CACNB4: variants seen among roughly 807,000 people sequenced by gnomAD.
CACNB4 encodes calcium voltage-gated channel auxiliary subunit beta 4.
In CACNB4, 32 loss-of-function variants were observed where a neutral mutation model predicts 71.2. That is an observed-to-expected ratio of 0.45 (90% CI 0.34 to 0.60). The LOEUF is 0.60. CACNB4 is among the 20% of genes least tolerant of loss of function. CACNB4 has a pLI of 0.01. For missense variants in CACNB4, 464 were observed against 647.9 expected, an observed-to-expected ratio of 0.72 and a Z score of 3.08; for synonymous variants, 231 against 236.9, an observed-to-expected ratio of 0.97 and a Z score of 0.23.
chr2:152,073,487 C>A (rs1359937481), intron 2 of CACNB4, among the ~76,000 whole-genome samples: 2 of 152,106 alleles, frequency 1.3e-5, no homozygotes, highest in African/African-American at 2.4e-5. Context: ...TTAGCCACCA[C>A]CCCCAGATTC....
intron 2 of CACNB4, among the ~76,000 whole-genome samples, chr2:152,019,842 A>T (rs1401778): frequency 0.43 from 65,116 of 152,020 alleles, 16,071 homozygotes; most frequent in Non-Finnish European, 0.57. Context: ...TGGAAATGTC[A>T]AACAACTCAC....
Position 151,834,962 on chromosome 2 carries a change from G to A in CACNB4, c.*4157C>T, listed in dbSNP as rs1021576488. ...AAAGGCAGAAATGTAAAAGGAATAA[G>A]GGGTACATAGCATTTATTTGAAACA... is the stretch of plus-strand genomic sequence containing the variant. On this transcript the variant is annotated 3_prime_UTR_variant, in exon 14 of 14. Transcript: ENST00000539935. 2.0e-5 allele frequency: 3 copies of A among 151,824 alleles called. No individual in the cohort carries two copies. The highest frequency in any genetic ancestry group is 4.4e-5 in the Non-Finnish European group (3 of 67,770). The allele number at this position is 151,824 out of a possible 1,614,324, so 9.4% of individuals were successfully genotyped here.
chr2:151,941,836 A>G (rs1360321135), intron 2 of CACNB4, among the ~76,000 whole-genome samples: 1 of 152,156 alleles, frequency 6.6e-6, no homozygotes, highest in Non-Finnish European at 1.5e-5. Flanking sequence ...AATGGAAAGG[A>G]GTGAGTGCTG....
chr2:152,019,657 A>C (rs890862399), intron 2 of CACNB4, among the ~76,000 whole-genome samples: 12 of 152,208 alleles, frequency 7.9e-5, no homozygotes, highest in Admixed American at 4.6e-4. Context: ...TATCTCCCCA[A>C]AAAATGGAAA....
chr2:152,098,193 C>T lies in CACNB4; in HGVS notation c.147+137G>A. On this transcript the variant is annotated intron_variant, in intron 2 of 13. Coordinates refer to ENST00000539935, the MANE Select transcript of CACNB4 (RefSeq NM_000726.5). The surrounding 1 kb of genome is among the most constrained non-coding windows in gnomAD (Gnocchi z 5.3). ...TAGAGGGAGAGGGACTGAGCCCGAG[C>T]ACCGGCCGAGGCCGGGAAGAGACGC... 1 of 647,192 alleles carries T rather than the reference C, an allele frequency of 1.5e-6. No homozygotes were observed. The highest frequency in any genetic ancestry group is 2.7e-5 in the East Asian group (1 of 37,266). The allele number at this position is 647,192 out of a possible 1,614,324, so 40.1% of individuals were successfully genotyped here.
At chr2:151,884,417 T>C (rs1456451972) in intron 2 of CACNB4, among the ~76,000 whole-genome samples, 1 of 147,244 alleles carries the variant, frequency 6.8e-6, no homozygotes, top group Admixed American at 6.8e-5. Flanking sequence ...AGGTCAGGAG[T>C]TCGACACCAG....
chr2:151,924,440 TATATA>T (rs60612804), intron 2 of CACNB4, among the ~76,000 whole-genome samples: 2,566 of 151,360 alleles, frequency 0.017, 70 homozygotes, highest in African/African-American at 0.058. Context: ...ATATTGCCAC[TATATA>T]ATATAATTTG....
In CACNB4 at chr2:151,884,467, C is replaced by CAAA. The variant is rs35007488; in HGVS notation, c.148-1100_148-1098dup. ...TGAAATCCCGTCTCTACTAAAAATA[C>CAAA]AAAAAAAAAAAAAAAAATTAGCCAG... is the stretch of plus-strand genomic sequence containing the variant. On this transcript the variant is annotated intron_variant, in intron 2 of 13. Coordinates refer to ENST00000539935, the MANE Select transcript of CACNB4 (RefSeq NM_000726.5). Among the ~76,000 whole-genome samples, 39 of 117,052 alleles carry CAAA rather than the reference C, an allele frequency of 3.3e-4. No homozygotes were observed. The South Asian group carries it at 7.9e-3, about 24-fold the overall frequency. The allele number at this position is 117,052 out of a possible 152,430, so 76.8% of individuals were successfully genotyped here.
At chr2:152,064,049 G>C (rs959266773) in intron 2 of CACNB4, among the ~76,000 whole-genome samples, 1 of 152,184 alleles carries the variant, frequency 6.6e-6, no homozygotes, top group African/African-American at 2.4e-5. Context: ...GTGAATGATA[G>C]AGTACTGGAA....
intron 13 of CACNB4, among the ~76,000 whole-genome samples, chr2:151,840,075 T>C (rs1428569411): frequency 1.3e-5 from 2 of 152,242 alleles, no homozygotes; most frequent in African/African-American, 2.4e-5. Context: ...AAGATACTTA[T>C]TTGAAGGCTC....
At chr2:151,889,733 C>A (rs2099850273) in intron 2 of CACNB4, among the ~76,000 whole-genome samples, 1 of 152,154 alleles carries the variant, frequency 6.6e-6, no homozygotes, top group African/African-American at 2.4e-5. Flanking sequence ...CCCTTTCTTG[C>A]AAATGTGCTT....
chr2:151,911,111 T>C (rs901381756), intron 2 of CACNB4, among the ~76,000 whole-genome samples: 1 of 152,192 alleles, frequency 6.6e-6, no homozygotes, highest in African/African-American at 2.4e-5. Flanking sequence ...TTGCCTGCTG[T>C]TGGTGTAAAG....
intron 2 of CACNB4, among the ~76,000 whole-genome samples, chr2:152,011,902 T>C (rs1683076000): frequency 1.3e-5 from 2 of 152,182 alleles, no homozygotes; most frequent in South Asian, 4.1e-4. Flanking sequence ...CCTAACTTCA[T>C]AGCATGAGGC....
rs529983743 is a variant in CACNB4, at chr2:152,086,739, G to A, written c.147+11591C>T. On this transcript the variant is annotated intron_variant, in intron 2 of 13. Coordinates refer to ENST00000539935, the MANE Select transcript of CACNB4 (RefSeq NM_000726.5). ...TCATATACTTTTCTTTAATCCTGTCGATCACATCCTATTATAAAAACCACC... is the reference window on the plus strand; with the variant it reads ...TCATATACTTTTCTTTAATCCTGTCAATCACATCCTATTATAAAAACCACC... 6.6e-5 allele frequency among the ~76,000 whole-genome samples: 10 copies of A among 152,122 alleles called. No homozygotes were observed. The East Asian group carries it at 9.6e-4, about 15-fold the overall frequency.
chr2:151,952,569 A>G (rs1044889623), intron 2 of CACNB4, among the ~76,000 whole-genome samples: 1 of 152,190 alleles, frequency 6.6e-6, no homozygotes, highest in Non-Finnish European at 1.5e-5. Flanking sequence ...AAATGTAAAT[A>G]TGACTGAGGT....
chr2:151,870,147 T>C (rs1407990483), intron 8 of CACNB4: 3 of 631,924 alleles, frequency 4.7e-6, no homozygotes, highest in African/African-American at 1.8e-5. Context: ...TTTAAAGGTT[T>C]GGGTTTGCTG....
chr2:151,877,493 T>A (rs1175066998), intron 4 of CACNB4, among the ~76,000 whole-genome samples: 1 of 152,188 alleles, frequency 6.6e-6, no homozygotes, highest in South Asian at 2.1e-4. Context: ...TATGCACCAA[T>A]GTAACTGGAA....
intron 13 of CACNB4, among the ~76,000 whole-genome samples, chr2:151,840,849 G>A (rs982756811): frequency 6.6e-6 from 1 of 152,204 alleles, no homozygotes; most frequent in Non-Finnish European, 1.5e-5. Context: ...TTGACTACAT[G>A]TTCCTCAGTT....
At chr2:152,050,100 T>C (rs1350490546) in intron 2 of CACNB4, among the ~76,000 whole-genome samples, 1 of 152,204 alleles carries the variant, frequency 6.6e-6, no homozygotes, top group Non-Finnish European at 1.5e-5. Flanking sequence ...AAGCCCCAGG[T>C]TTTTTGTGAA....
Sources: gnomAD v4.1 joint callset for allele counts (sites outside exome capture counted in the v4.1 genomes callset) on GRCh38, gnomAD v4.1.1 for gene constraint, Gnocchi (gnomAD v3.1) non-coding constraint, MANE v1.5 for transcripts, NCBI Gene and HGNC (gene_info 2026-07-23, HGNC 2026-07-21) for gene names.